The following ROCK1 variants were observed in gnomAD, a reference collection of about 807,000 sequenced individuals.
ROCK1 encodes the protein Rho associated coiled-coil containing protein kinase 1.
ROCK1 carries 36 observed loss-of-function variants against 196.8 expected under a neutral mutation model. That is an observed-to-expected ratio of 0.18 (90% CI 0.14 to 0.24). The LOEUF (loss-of-function observed/expected upper bound fraction) is 0.24, where lower values mean the gene tolerates loss of function less well. Ranked by LOEUF, ROCK1 falls within the 10% of genes least tolerant of loss-of-function variation. The pLI, the probability that ROCK1 is intolerant of heterozygous loss-of-function variation, is 1.00. For missense variants in ROCK1, 920 were observed against 1,562.0 expected (o/e 0.59, Z 6.93); for synonymous variants, 443 against 515.9 (o/e 0.86, Z 1.91).
intron 11 of ROCK1, among the ~76,000 whole-genome samples, chr18:21,020,867 A>T (rs1194811879): frequency 3.3e-5 from 5 of 152,244 alleles, no homozygotes; most frequent in Non-Finnish European, 2.9e-5. Flanking sequence ...GAAGGTAATG[A>T]TCCTTGTATG....
chr18:21,031,762 G>GA (rs532265742), intron 9 of ROCK1, among the ~76,000 whole-genome samples: 43 of 151,858 alleles, frequency 2.8e-4, no homozygotes, highest in Non-Finnish European at 4.6e-4. Flanking sequence ...ACTTAACAAA[G>GA]AAAAAATATC....
rs1015581345 is a variant in ROCK1, at chr18:21,111,066, G to A, written c.-156C>T. On this transcript the variant is annotated 5_prime_UTR_variant, in exon 1 of 33. Coordinates refer to ENST00000399799, the MANE Select transcript of ROCK1 (RefSeq NM_005406.3). The surrounding 1 kb of genome is among the most constrained non-coding windows in gnomAD (Gnocchi z 4.2). ...GGTTCCCCCGTCTTCCCCTCACTGA[G>A]GGGACCTCCGCTCTCCAGACCCCGG... 9.5e-6 allele frequency: 6 copies of A among 628,696 alleles called. No individual in the cohort carries two copies. The highest frequency in any genetic ancestry group is 5.5e-5 in the South Asian group (3 of 54,106). 38.9% of individuals were successfully genotyped at this position (628,696 alleles called of 1,614,324 possible). A position where few individuals can be genotyped will look rare whatever the true frequency, so the allele number is the denominator to read the frequency against.
chr18:21,043,946 G>A (rs980019265), intron 6 of ROCK1, among the ~76,000 whole-genome samples, 156 bp downstream of exon 6: 5 of 151,968 alleles, frequency 3.3e-5, no homozygotes, highest in Non-Finnish European at 4.4e-5. Context: ...TGAAACCATG[G>A]TATCTAGTTC....
intron 16 of ROCK1, among the ~76,000 whole-genome samples, chr18:20,998,691 G>A (rs1257124365): frequency 1.0e-4 from 14 of 134,258 alleles, no homozygotes; most frequent in African/African-American, 3.7e-4. Context: ...TGCCACCTCC[G>A]CCTCCCGGGT....
chr18:21,086,298 G>A (rs959052543), intron 1 of ROCK1, among the ~76,000 whole-genome samples: 1 of 151,924 alleles, frequency 6.6e-6, no homozygotes, highest in African/African-American at 2.4e-5. Context: ...TTTTAGTAGA[G>A]ACAGGATTTC....
chr18:21,027,847 C>T (rs1405813277), intron 10 of ROCK1, among the ~76,000 whole-genome samples: 4 of 142,124 alleles, frequency 2.8e-5, no homozygotes, highest in Admixed American at 7.1e-5. Flanking sequence ...CTGCAAGCTC[C>T]GCCTCCCGGG....
intron 2 of ROCK1, 149 bp from the exon 3 acceptor site, chr18:21,050,029 A>G: frequency 2.0e-6 from 1 of 492,042 alleles, no homozygotes; most frequent in Non-Finnish European, 3.5e-6. Context: ...TTGAAGCTAT[A>G]AAGTAGCTAA....
intron 1 of ROCK1, among the ~76,000 whole-genome samples, chr18:21,098,701 T>G (rs996218781): frequency 1.3e-5 from 2 of 149,540 alleles, no homozygotes; most frequent in African/African-American, 4.9e-5. Flanking sequence ...CATAAAGAGC[T>G]TCTAAAAACT....
intron 27 of ROCK1, among the ~76,000 whole-genome samples, chr18:20,961,584 A>C (rs2035327019): frequency 6.6e-6 from 1 of 152,292 alleles, no homozygotes; most frequent in East Asian, 1.9e-4. Flanking sequence ...AAACCCCGGC[A>C]GTCTAATTTC....
At chr18:21,040,192 T>TG (rs1028619179) in intron 8 of ROCK1, among the ~76,000 whole-genome samples, 13 of 152,334 alleles carry the variant, frequency 8.5e-5, no homozygotes, top group African/African-American at 2.6e-4. Context: ...TGACAGTTTT[T>TG]TGTGTGTGTG....
chr18:20,980,674 TGGGA>T (rs2035523204), intron 21 of ROCK1, among the ~76,000 whole-genome samples: 7 of 152,114 alleles, frequency 4.6e-5, no homozygotes, highest in Non-Finnish European at 4.4e-5. Flanking sequence ...CCCAGCACTT[TGGGA>T]GGCCAAGGCG....
chr18:21,019,868 A>G (rs565826775), intron 12 of ROCK1, among the ~76,000 whole-genome samples: 32 of 152,094 alleles, frequency 2.1e-4, no homozygotes, highest in Non-Finnish European at 4.3e-4. Context: ...AACATATTAC[A>G]AAGTACACAA....
At chr18:21,082,106 GTTAA>G (rs1313863477) in intron 1 of ROCK1, among the ~76,000 whole-genome samples, 1 of 151,570 alleles carries the variant, frequency 6.6e-6, no homozygotes, top group Non-Finnish European at 1.5e-5. Context: ...ACCACACCTG[GTTAA>G]TTTTTTTTTT....
chr18:21,006,655 T>C (rs769994806), intron 15 of ROCK1, 44 bp downstream of exon 15: 15 of 1,583,872 alleles, frequency 9.5e-6, no homozygotes, highest in Non-Finnish European at 1.3e-5. Flanking sequence ...ATAATTTAAT[T>C]ATCTACAATT....
chr18:21,096,157 T>A (rs1306216598), intron 1 of ROCK1, among the ~76,000 whole-genome samples: 1 of 152,044 alleles, frequency 6.6e-6, no homozygotes, highest in African/African-American at 2.4e-5. Flanking sequence ...TATGTTCCCA[T>A]AAAAATTTAA....
intron 12 of ROCK1, among the ~76,000 whole-genome samples, 186 bp downstream of exon 12, chr18:21,019,965 C>A (rs537957464): frequency 4.0e-5 from 6 of 151,422 alleles, no homozygotes; most frequent in Non-Finnish European, 7.4e-5. Flanking sequence ...GAAAATACAT[C>A]TATAACTAAG....
At chr18:21,045,183 C>G in intron 5 of ROCK1, 109 bp downstream of exon 5, 1 of 1,029,324 alleles carries the variant, frequency 9.7e-7, no homozygotes, top group Non-Finnish European at 1.4e-6. Flanking sequence ...TGAAAGGTCA[C>G]TTATGTCATA....
chr18:21,005,871 T>C (rs1453635118), intron 16 of ROCK1, among the ~76,000 whole-genome samples: 1 of 152,120 alleles, frequency 6.6e-6, no homozygotes, highest in East Asian at 1.9e-4. Flanking sequence ...AGCAAGTTCC[T>C]ATCTCAAAAA....
chr18:20,969,099 TA>T lies in ROCK1; in HGVS notation c.2914+15del. ...AATTTGATTTAACATGATGATTTTTTAAAAATTCTACATACCTTCCTCTGCC... is the reference window on the plus strand; with the variant it reads ...AATTTGATTTAACATGATGATTTTTTAAAATTCTACATACCTTCCTCTGCC... On this transcript the variant is annotated intron_variant, in intron 24 of 32. Coordinates refer to ENST00000399799, the MANE Select transcript of ROCK1 (RefSeq NM_005406.3). 6.7e-7 allele frequency: 1 copy of T among 1,500,530 alleles called. No individual in the cohort carries two copies. The highest frequency in any genetic ancestry group is 9.2e-7 in the Non-Finnish European group (1 of 1,088,336). The allele number at this position is 1,500,530 out of a possible 1,614,324, so 93.0% of individuals were successfully genotyped here. A position where few individuals can be genotyped will look rare whatever the true frequency, so the allele number is the denominator to read the frequency against.
Sources: allele counts gnomAD v4.1 joint callset (sites outside exome capture counted in the v4.1 genomes callset), GRCh38; gene constraint gnomAD v4.1.1; non-coding constraint Gnocchi (gnomAD v3.1); transcripts MANE v1.5; gene names NCBI Gene and HGNC (gene_info 2026-07-23, HGNC 2026-07-21).